ATAD3A: variants seen among roughly 807,000 people sequenced by gnomAD.
ATAD3A encodes ATPase family AAA domain-containing protein 3A.
Under a neutral mutation model 73.8 loss-of-function variants are expected in ATAD3A, and 46 were observed. That is an observed-to-expected ratio of 0.62 (90% CI 0.49 to 0.80). ATAD3A has a LOEUF of 0.80. Among genes scored for constraint, ATAD3A ranks in the 30% least tolerant of loss-of-function variants. ATAD3A has a pLI of 0.00. For synonymous variants in ATAD3A, 319 were observed against 350.0 expected (o/e 0.91, Z 0.99); for missense variants, 705 against 838.0 (o/e 0.84, Z 1.96).
In ATAD3A at chr1:1,513,394, T is replaced by C. The variant is rs533013557; in HGVS notation, c.205+921T>C. Among the ~76,000 whole-genome samples the C allele has an allele frequency of 3.3e-5, 5 of 151,498 alleles. No individual in the cohort carries two copies. The South Asian group carries it at 6.3e-4, about 19-fold the overall frequency. ...GCCCCCTGCAGTGGTACAGGCCTGG[T>C]TGAGCAGCCTCAGGCCGCCTCCCCA... On this transcript the variant is annotated intron_variant, in intron 1 of 15. Transcript: ENST00000378756.
chr1:1,521,005 A>G (rs1248982722), intron 7 of ATAD3A, among the ~76,000 whole-genome samples: 1 of 151,874 alleles, frequency 6.6e-6, no homozygotes, highest in African/African-American at 2.4e-5. Flanking sequence ...TGTCTCAAGA[A>G]AAAAATTGTC....
At chr1:1,532,954 CAGT>C (rs1207180517) in intron 15 of ATAD3A, among the ~76,000 whole-genome samples, 1 of 152,132 alleles carries the variant, frequency 6.6e-6, no homozygotes, top group African/African-American at 2.4e-5. Flanking sequence ...CCCCGACCCA[CAGT>C]GGTGGTCCGG....
At chr1:1,522,147 C>G (rs1360651097) in intron 7 of ATAD3A, among the ~76,000 whole-genome samples, 1 of 152,176 alleles carries the variant, frequency 6.6e-6, no homozygotes, top group Non-Finnish European at 1.5e-5. Flanking sequence ...TCAAGAGATT[C>G]TCCTGCCTCA....
chr1:1,533,978 C>T lies in ATAD3A; in HGVS notation c.1667C>T (p.Thr556Ile), dbSNP rs768695467. ...DGVLTEAMMD[T>I]RVQDAVQQHQ... The stretch of plus-strand genomic sequence containing the variant: ...GTCCTGACCGAGGCCATGATGGACA[C>T]CCGCGTGCAAGATGCTGTCCAGCAG... Residue 556 changes from threonine (T) to isoleucine (I), a missense_variant, in exon 16 of 16, where the codon ACC (threonine) becomes ATC (isoleucine). Physicochemically the swap from Thr to Ile is moderately conservative, Grantham distance 89. Transcript: ENST00000378756. 9 of 1,613,534 alleles carry T rather than the reference C, an allele frequency of 5.6e-6. No homozygotes were observed. The East Asian group carries it at 2.0e-4, about 36-fold the overall frequency.
At chr1:1,529,376 C>G (rs1295801541) in intron 15 of ATAD3A, 45 bp downstream of exon 15, 6 of 1,521,516 alleles carry the variant, frequency 3.9e-6, no homozygotes, top group Non-Finnish European at 5.3e-6. Context: ...ACCCCAGCTG[C>G]TGTGGAGATG....
At chr1:1,518,299 C>T (rs1322231904) in intron 4 of ATAD3A, among the ~76,000 whole-genome samples, 2 of 137,216 alleles carry the variant, frequency 1.5e-5, no homozygotes, top group South Asian at 2.7e-4. Context: ...CCCCCACACA[C>T]ACACAGGCGC....
Position 1,534,114 on chromosome 1 carries a change from C to A in ATAD3A, c.*42C>A. The A allele has an allele frequency of 6.2e-7, 1 of 1,612,976 alleles. No individual in the cohort carries two copies. Among genetic ancestry groups the A allele is most frequent in the South Asian group, 1.1e-5 (1 of 91,012 alleles). On this transcript the variant is annotated 3_prime_UTR_variant, in exon 16 of 16. Coordinates refer to ENST00000378756, the MANE Select transcript of ATAD3A (RefSeq NM_001170535.3). ...ACAGCTCACGGAGCCTGGCCGCGGA[C>A]CCCTCCCACCCCTGCCTTGCCGGCC...
chr1:1,523,359 C>A lies in ATAD3A; in HGVS notation c.907-152C>A. Reference sequence around the variant, plus strand: ...ATCCCAGCAATAGCCGCCTGGTCTCCGGGCGGGGCAGGGTTCCAGCTCCGG... The same window carrying A: ...ATCCCAGCAATAGCCGCCTGGTCTCAGGGCGGGGCAGGGTTCCAGCTCCGG... On this transcript the variant is annotated intron_variant, in intron 8 of 15. Coordinates refer to ENST00000378756, the MANE Select transcript of ATAD3A (RefSeq NM_001170535.3). This position sits in a 1 kb window ranked among gnomAD's most constrained non-coding sequence, Gnocchi z 5.1. 7.6e-7 allele frequency: 1 copy of A among 1,319,154 alleles called. No homozygotes were observed. The highest frequency in any genetic ancestry group is 1.0e-6 in the Non-Finnish European group (1 of 964,368). The allele number at this position is 1,319,154 out of a possible 1,614,324, so 81.7% of individuals were successfully genotyped here. A position where few individuals can be genotyped will look rare whatever the true frequency, so the allele number is the denominator to read the frequency against.
intron 15 of ATAD3A, among the ~76,000 whole-genome samples, chr1:1,530,698 G>A (rs1452400828): frequency 5.8e-5 from 7 of 121,592 alleles, no homozygotes; most frequent in South Asian, 2.7e-4. Context: ...GCGTAGTGGC[G>A]GGCGCCTGTA....
At chr1:1,526,255 G>A (rs1249946420) in intron 12 of ATAD3A, among the ~76,000 whole-genome samples, 7 of 151,840 alleles carry the variant, frequency 4.6e-5, no homozygotes, top group Non-Finnish European at 8.8e-5. Flanking sequence ...TCCTTACCTC[G>A]TGTGATCTGC....
intron 5 of ATAD3A, among the ~76,000 whole-genome samples, chr1:1,519,740 G>A (rs1641515294): frequency 6.8e-6 from 1 of 146,248 alleles, no homozygotes; most frequent in Admixed American, 6.9e-5. Context: ...CTGTGTGAGG[G>A]GGGCTTCCTT....
intron 8 of ATAD3A, 96 bp downstream of exon 8, chr1:1,522,995 C>T: frequency 1.3e-6 from 2 of 1,528,014 alleles, no homozygotes; most frequent in South Asian, 2.5e-5. Context: ...CGTCCCTTCC[C>T]TTTCCCCGGA....
intron 15 of ATAD3A, among the ~76,000 whole-genome samples, chr1:1,530,828 CAA>C (rs1174830616): frequency 6.7e-4 from 9 of 13,422 alleles, no homozygotes; most frequent in Admixed American, 9.1e-4. Flanking sequence ...GACTCCGTCT[CAA>C]AAAAAAAAAA....
intron 1 of ATAD3A, among the ~76,000 whole-genome samples, chr1:1,514,548 T>TCTGA (rs1186160882): frequency 2.0e-5 from 3 of 152,162 alleles, no homozygotes; most frequent in Non-Finnish European, 2.9e-5. Flanking sequence ...CTTCCTGAAA[T>TCTGA]CTGACACTGA....
chr1:1,515,147 G>A (rs1274724680), intron 1 of ATAD3A, among the ~76,000 whole-genome samples: 4 of 152,150 alleles, frequency 2.6e-5, no homozygotes, highest in Non-Finnish European at 5.9e-5. Flanking sequence ...GTGCGATCTG[G>A]GTTCACTGCA....
At chr1:1,514,429 C>T (rs1359470941) in intron 1 of ATAD3A, among the ~76,000 whole-genome samples, 1 of 152,216 alleles carries the variant, frequency 6.6e-6, no homozygotes, top group Non-Finnish European at 1.5e-5. Context: ...CTTGGCTTCC[C>T]GAGCTTAGCA....
chr1:1,524,933 C>A (rs1345535587), intron 11 of ATAD3A, among the ~76,000 whole-genome samples: 7 of 152,166 alleles, frequency 4.6e-5, no homozygotes, highest in African/African-American at 1.7e-4. Context: ...GAAGACCTGT[C>A]CCTGTCGTGG....
chr1:1,517,913 T>C, intron 4 of ATAD3A, 138 bp downstream of exon 4: 1 of 1,195,676 alleles, frequency 8.4e-7, no homozygotes, highest in Non-Finnish European at 1.2e-6. Flanking sequence ...GGGAAACTAC[T>C]CGGACAGACA....
chr1:1,534,135 C>A lies in ATAD3A; in HGVS notation c.*63C>A. The A allele has an allele frequency of 1.9e-6, 3 of 1,607,982 alleles. No individual in the cohort carries two copies. The highest frequency in any genetic ancestry group is 2.5e-6 in the Non-Finnish European group (3 of 1,176,942). On this transcript the variant is annotated 3_prime_UTR_variant, in exon 16 of 16. Transcript: ENST00000378756. ...CGGACCCCTCCCACCCCTGCCTTGC[C>A]GGCCCCTGCACATTTAGGATATGCT...
Sources: allele counts gnomAD v4.1 joint callset (sites outside exome capture counted in the v4.1 genomes callset), GRCh38; gene constraint gnomAD v4.1.1; non-coding constraint Gnocchi (gnomAD v3.1); transcripts MANE v1.5; gene names NCBI Gene and HGNC (gene_info 2026-07-23, HGNC 2026-07-21).